Variants in PPP1R14C observed in about 807,000 individuals in gnomAD.
The protein encoded by PPP1R14C is protein phosphatase 1 regulatory subunit 14C.
PPP1R14C carries 16 observed loss-of-function variants against 20.4 expected under a neutral mutation model. The ratio of observed to expected loss-of-function variants is 0.78; its 90% confidence interval spans 0.53 to 1.19. The LOEUF (loss-of-function observed/expected upper bound fraction) is 1.19. Among genes scored for constraint, PPP1R14C ranks in the 50% most tolerant of loss-of-function variants. PPP1R14C has a pLI of 0.00. For synonymous variants in PPP1R14C, 91 were observed against 91.0 expected, an observed-to-expected ratio of 1.00 and a Z score of 0.00; for missense variants, 211 against 220.1, an observed-to-expected ratio of 0.96 and a Z score of 0.26.
intron 3 of PPP1R14C, among the ~76,000 whole-genome samples, chr6:150,243,239 A>G (rs1289826522): frequency 6.7e-6 from 1 of 149,542 alleles, no homozygotes; most frequent in Non-Finnish European, 1.5e-5. Context: ...GCAATGGCAC[A>G]ATCTTGGCTC....
intron 1 of PPP1R14C, among the ~76,000 whole-genome samples, chr6:150,160,353 C>T (rs543314880): frequency 2.3e-4 from 34 of 150,994 alleles, no homozygotes; most frequent in Non-Finnish European, 4.4e-4. Flanking sequence ...CAAGCTCCAC[C>T]TCCTGGGTTC....
chr6:150,150,929 G>C (rs573772185), intron 1 of PPP1R14C, among the ~76,000 whole-genome samples: 1 of 152,028 alleles, frequency 6.6e-6, no homozygotes, highest in East Asian at 1.9e-4. Context: ...CACCGCACAT[G>C]CCGCTCCGTC....
chr6:150,166,190 C>G (rs900158845), intron 1 of PPP1R14C, among the ~76,000 whole-genome samples: 3 of 152,116 alleles, frequency 2.0e-5, no homozygotes, highest in Non-Finnish European at 2.9e-5. Context: ...ATGCCATTCT[C>G]CTGCCTCAGC....
chr6:150,187,081 T>G (rs765457045), intron 1 of PPP1R14C, among the ~76,000 whole-genome samples: 43 of 152,010 alleles, frequency 2.8e-4, no homozygotes, highest in Non-Finnish European at 5.9e-4. Flanking sequence ...GTTCAAGAGA[T>G]TCTCCTGCGT....
intron 3 of PPP1R14C, among the ~76,000 whole-genome samples, chr6:150,234,996 C>G (rs1387797537): frequency 6.6e-6 from 1 of 151,530 alleles, no homozygotes; most frequent in African/African-American, 2.4e-5. Context: ...ACATAAAATG[C>G]AAACTAATTT....
At chr6:150,151,217 T>C (rs1450863461) in intron 1 of PPP1R14C, among the ~76,000 whole-genome samples, 1 of 152,186 alleles carries the variant, frequency 6.6e-6, no homozygotes, top group African/African-American at 2.4e-5. Context: ...TGCCACTTAG[T>C]ACCCCAGAGA....
intron 1 of PPP1R14C, among the ~76,000 whole-genome samples, chr6:150,191,877 T>A (rs1225361141): frequency 2.0e-5 from 3 of 152,132 alleles, no homozygotes; most frequent in Non-Finnish European, 2.9e-5. Flanking sequence ...ATGAAGGAAA[T>A]GGTTTCAGGC....
chr6:150,175,026 A>T (rs938968687), intron 1 of PPP1R14C, among the ~76,000 whole-genome samples: 1 of 152,108 alleles, frequency 6.6e-6, no homozygotes, highest in Non-Finnish European at 1.5e-5. Flanking sequence ...TTTGAAACAT[A>T]TGATCAATTG....
chr6:150,246,454 T>A (rs1386448131), intron 3 of PPP1R14C, among the ~76,000 whole-genome samples: 2 of 152,196 alleles, frequency 1.3e-5, no homozygotes, highest in African/African-American at 4.8e-5. Context: ...AGGAAATGCA[T>A]TTACATTTGC....
intron 1 of PPP1R14C, among the ~76,000 whole-genome samples, chr6:150,149,127 T>G (rs1185372737): frequency 6.6e-6 from 1 of 152,154 alleles, no homozygotes; most frequent in African/African-American, 2.4e-5. Flanking sequence ...AGAAAACTGC[T>G]TAACACATTC....
chr6:150,239,025 G>A (rs1040315909), intron 3 of PPP1R14C, among the ~76,000 whole-genome samples: 3 of 152,028 alleles, frequency 2.0e-5, no homozygotes, highest in Non-Finnish European at 4.4e-5. Flanking sequence ...GTTCCTCATT[G>A]ATCCTCACCC....
rs374292483 is a variant in PPP1R14C at position 150,236,147 on chromosome 6, A to T, written c.424-12599A>T. Reference sequence around the variant, plus strand: ...CTACGGTTTGAATCTTGGTCTGACCATTGAGCTGCTGTGTGACCTCAGACA... The same window carrying T: ...CTACGGTTTGAATCTTGGTCTGACCTTTGAGCTGCTGTGTGACCTCAGACA... On this transcript the variant is annotated intron_variant, in intron 3 of 3. Coordinates refer to ENST00000361131, the MANE Select transcript of PPP1R14C (RefSeq NM_030949.3). Among the ~76,000 whole-genome samples the T allele has an allele frequency of 1.8e-4, 28 of 152,280 alleles. 1 individual carries two copies. The South Asian group carries it at 5.6e-3, about 31-fold the overall frequency.
At chr6:150,177,746 T>C in intron 1 of PPP1R14C, among the ~76,000 whole-genome samples, 1 of 151,970 alleles carries the variant, frequency 6.6e-6, no homozygotes, top group East Asian at 1.9e-4. Context: ...AGGCCTGGGG[T>C]TCAACTCAGG....
chr6:150,232,222 TC>T (rs1778304530), intron 3 of PPP1R14C, among the ~76,000 whole-genome samples: 2 of 152,242 alleles, frequency 1.3e-5, no homozygotes, highest in South Asian at 4.1e-4. Context: ...CATGTTTCCT[TC>T]TCTGGGAATT....
chr6:150,178,805 T>A (rs1777590244), intron 1 of PPP1R14C, among the ~76,000 whole-genome samples: 2 of 152,284 alleles, frequency 1.3e-5, no homozygotes, highest in South Asian at 4.1e-4. Context: ...TAGGGAAACA[T>A]CTAGGTGTAG....
At chr6:150,148,424 C>A (rs1452865379) in intron 1 of PPP1R14C, among the ~76,000 whole-genome samples, 1 of 152,176 alleles carries the variant, frequency 6.6e-6, no homozygotes, top group Non-Finnish European at 1.5e-5. Context: ...CTATGTGAAC[C>A]CCATGGTTTG....
At position 150,168,038 on chromosome 6, in the gene PPP1R14C, TCCCGA is replaced by T. The variant is rs1777450637; in HGVS notation, c.306+24542_306+24546del. On this transcript the variant is annotated intron_variant, in intron 1 of 3. Coordinates refer to ENST00000361131, the MANE Select transcript of PPP1R14C (RefSeq NM_030949.3). ...CCCACCCTTTCTGCGGCCCCTCCCC[TCCCGA>T]CTCTCCTCTCCCCCACTCCCCTCCC... Among the ~76,000 whole-genome samples the T allele has an allele frequency of 8.7e-4, 11 of 12,706 alleles. 2 individuals carry two copies. Among genetic ancestry groups the T allele is most frequent in the African/African-American group, 4.2e-3 (11 of 2,636 alleles). The allele number at this position is 12,706 out of a possible 152,430, so 8.3% of individuals were successfully genotyped here.
At chr6:150,179,522 G>A (rs1777598222) in intron 1 of PPP1R14C, among the ~76,000 whole-genome samples, 1 of 151,948 alleles carries the variant, frequency 6.6e-6, no homozygotes, top group Non-Finnish European at 1.5e-5. Flanking sequence ...TAAGTGTCTC[G>A]ATTTTTCCAC....
intron 1 of PPP1R14C, among the ~76,000 whole-genome samples, chr6:150,182,259 A>G (rs4289668): frequency 0.62 from 94,820 of 152,048 alleles, 31,008 homozygotes; most frequent in African/African-American, 0.84. Flanking sequence ...GTACCGTGAG[A>G]CAAATTATTC....
Sources: gnomAD v4.1 joint callset for allele counts (sites outside exome capture counted in the v4.1 genomes callset) on GRCh38, gnomAD v4.1.1 for gene constraint, MANE v1.5 for transcripts, NCBI Gene and HGNC (gene_info 2026-07-23, HGNC 2026-07-21) for gene names.